The following GFRA2 variants were observed in gnomAD, a reference collection of about 807,000 sequenced individuals.
GFRA2 encodes the protein GDNF family receptor alpha-2.
GFRA2 carries 17 observed loss-of-function variants against 48.3 expected under a neutral mutation model. That is an observed-to-expected ratio of 0.35 (90% confidence interval 0.24 to 0.53). The LOEUF (loss-of-function observed/expected upper bound fraction) is 0.53, where lower values mean the gene tolerates loss of function less well. Among genes scored for constraint, GFRA2 ranks in the 20% least tolerant of loss-of-function variants. GFRA2 has a pLI of 0.93. For synonymous variants in GFRA2, 305 were observed against 257.2 expected (o/e 1.19, Z -1.78); for missense variants, 660 against 637.3 (o/e 1.04, Z -0.38).
In GFRA2 at chr8:21,788,544, G is replaced by A. The variant is rs1052038159; in HGVS notation, c.-385C>T. On this transcript the variant is annotated 5_prime_UTR_variant, in exon 1 of 9. Coordinates refer to ENST00000524240, the MANE Select transcript of GFRA2 (RefSeq NM_001495.5). Reference sequence around the variant, plus strand: ...TCCCAGGAGGGGCCTGGGGAGGTGGGGAGAGAGGCGATTTGCGAGTGAAGG... The same window carrying A: ...TCCCAGGAGGGGCCTGGGGAGGTGGAGAGAGAGGCGATTTGCGAGTGAAGG... The A allele has an allele frequency of 1.9e-5, 19 of 1,018,994 alleles. No individual in the cohort carries two copies. Among genetic ancestry groups the A allele is most frequent in the Admixed American group, 5.8e-5 (1 of 17,176 alleles). 63.1% of individuals were successfully genotyped at this position (1,018,994 alleles called of 1,614,324 possible).
chr8:21,787,107 G>A (rs1005443877), intron 1 of GFRA2, among the ~76,000 whole-genome samples: 6 of 152,108 alleles, frequency 3.9e-5, no homozygotes, highest in South Asian at 2.1e-4. Context: ...GCAAACAACC[G>A]CCTTTCCTCA....
At chr8:21,774,542 C>T (rs1806598520) in intron 3 of GFRA2, among the ~76,000 whole-genome samples, 1 of 152,214 alleles carries the variant, frequency 6.6e-6, no homozygotes, top group Non-Finnish European at 1.5e-5. Context: ...CACTGACCCA[C>T]TTAGACCTCG....
chr8:21,692,557 A>C lies in GFRA2; in HGVS notation c.*721T>G, dbSNP rs1269044891. 1 of 151,836 alleles carries C rather than the reference A, an allele frequency of 6.6e-6. No individual in the cohort carries two copies. The highest frequency in any genetic ancestry group is 1.5e-5 in the Non-Finnish European group (1 of 68,018). The allele number at this position is 151,836 out of a possible 1,614,324, so 9.4% of individuals were successfully genotyped here. ...CCACCGAGAAAGAAGCTGGTGCCCAAGTTTTAATGCCTCGCCACAAGGGCT... is the reference window on the plus strand; with the variant it reads ...CCACCGAGAAAGAAGCTGGTGCCCACGTTTTAATGCCTCGCCACAAGGGCT... On this transcript the variant is annotated 3_prime_UTR_variant, in exon 9 of 9. Coordinates refer to ENST00000524240, the MANE Select transcript of GFRA2 (RefSeq NM_001495.5).
At chr8:21,767,291 C>T (rs1585319257) in intron 3 of GFRA2, among the ~76,000 whole-genome samples, 2 of 151,736 alleles carry the variant, frequency 1.3e-5, no homozygotes, top group Admixed American at 1.3e-4. Context: ...ACTGCCTATA[C>T]ATATCTACCG....
intron 2 of GFRA2, among the ~76,000 whole-genome samples, chr8:21,798,426 C>T (rs1052855716): frequency 3.9e-5 from 6 of 151,938 alleles, no homozygotes; most frequent in African/African-American, 7.2e-5. Context: ...TCAGTGCTCT[C>T]CTCATCTCTG....
chr8:21,809,518 G>A (rs905853287), intron 1 of GFRA2, among the ~76,000 whole-genome samples: 1 of 152,028 alleles, frequency 6.6e-6, no homozygotes, highest in Non-Finnish European at 1.5e-5. Context: ...TAGTAGAAAA[G>A]GGGTTTCACC....
At chr8:21,778,672 C>G (rs924993461) in intron 2 of GFRA2, among the ~76,000 whole-genome samples, 27 of 152,176 alleles carry the variant, frequency 1.8e-4, no homozygotes, top group Non-Finnish European at 3.1e-4. Flanking sequence ...GAAGAGATTG[C>G]TTGAGGCCAG....
intron 1 of GFRA2, among the ~76,000 whole-genome samples, chr8:21,807,874 T>C (rs1251505048): frequency 6.6e-6 from 1 of 152,244 alleles, no homozygotes; most frequent in Non-Finnish European, 1.5e-5. Flanking sequence ...TTCTCCATCA[T>C]GCCAATGCTA....
intron 4 of GFRA2, among the ~76,000 whole-genome samples, chr8:21,736,892 A>G (rs957236397): frequency 7.4e-6 from 1 of 134,630 alleles, no homozygotes; most frequent in Non-Finnish European, 1.6e-5. Context: ...AAGAGAAAAG[A>G]AGGAAAGGAA....
chr8:21,712,453 G>A (rs925156880), intron 4 of GFRA2, among the ~76,000 whole-genome samples: 1 of 151,960 alleles, frequency 6.6e-6, no homozygotes, highest in Admixed American at 6.5e-5. Context: ...TGGGATGGTG[G>A]CCGGGAAGAG....
At chr8:21,791,762 T>C (rs1035178631), upstream of GFRA2, among the ~76,000 whole-genome samples, 19 of 152,220 alleles carry the variant, frequency 1.2e-4, no homozygotes, top group Non-Finnish European at 2.6e-4. Context: ...CTCTGGGTTC[T>C]AGAAGAAGAA....
intron 3 of GFRA2, among the ~76,000 whole-genome samples, chr8:21,751,406 A>G (rs1450453374): frequency 6.6e-6 from 1 of 152,232 alleles, no homozygotes; most frequent in Non-Finnish European, 1.5e-5. Flanking sequence ...GGGTGCAGAC[A>G]GCACACACAT....
chr8:21,775,785 C>G (rs1806662086), intron 2 of GFRA2, among the ~76,000 whole-genome samples: 1 of 152,144 alleles, frequency 6.6e-6, no homozygotes, highest in South Asian at 2.1e-4. Flanking sequence ...GCTCCTTGGA[C>G]CTTTCCTCGA....
chr8:21,781,210 C>CT (rs1168070695), intron 2 of GFRA2, among the ~76,000 whole-genome samples: 1 of 152,138 alleles, frequency 6.6e-6, no homozygotes, highest in African/African-American at 2.4e-5. Flanking sequence ...CTGGACAGTC[C>CT]TCTAATCTAC....
intron 4 of GFRA2, among the ~76,000 whole-genome samples, chr8:21,735,143 G>T (rs940493229): frequency 6.6e-5 from 10 of 152,142 alleles, no homozygotes; most frequent in Non-Finnish European, 1.5e-4. Context: ...ACCTCCTAAG[G>T]CTGTGTCACG....
At chr8:21,800,319 G>GTAAAATAATAGAGT (rs1807748064) in intron 2 of GFRA2, among the ~76,000 whole-genome samples, 6 of 152,210 alleles carry the variant, frequency 3.9e-5, no homozygotes, top group African/African-American at 1.4e-4. Context: ...AATAATAGAT[G>GTAAAATAATAGAGT]TCTAACTTTA....
At chr8:21,799,296 T>G (rs1025647392) in intron 2 of GFRA2, among the ~76,000 whole-genome samples, 11 of 151,660 alleles carry the variant, frequency 7.3e-5, no homozygotes, top group Non-Finnish European at 1.6e-4. Context: ...CGGCTCACTG[T>G]AAGCTCCGCC....
At chr8:21,765,763 A>C (rs1187028328) in intron 3 of GFRA2, among the ~76,000 whole-genome samples, 1 of 144,490 alleles carries the variant, frequency 6.9e-6, no homozygotes, top group Non-Finnish European at 1.5e-5. Flanking sequence ...TGCCCACTGA[A>C]CTTCCCAATC....
chr8:21,714,485 A>C (rs956333775), intron 4 of GFRA2, among the ~76,000 whole-genome samples: 2 of 151,906 alleles, frequency 1.3e-5, no homozygotes, highest in Admixed American at 6.6e-5. Flanking sequence ...TCCTGGCTTC[A>C]AGTGATCCAC....
Sources: gnomAD v4.1 joint callset for allele counts (sites outside exome capture counted in the v4.1 genomes callset) on GRCh38, gnomAD v4.1.1 for gene constraint, MANE v1.5 for transcripts, NCBI Gene and HGNC (gene_info 2026-07-23, HGNC 2026-07-21) for gene names.